The following CNTN1 variants were observed in gnomAD, a reference collection of about 807,000 sequenced individuals.
The protein encoded by CNTN1 is contactin 1.
Under a neutral mutation model 126.4 loss-of-function variants are expected in CNTN1, and 38 were observed. The observed-to-expected ratio is 0.30, with a 90% CI of 0.23 to 0.39. The LOEUF (loss-of-function observed/expected upper bound fraction) is 0.39. CNTN1 is among the 10% of genes least tolerant of loss of function. The pLI is 1.00. For missense variants in CNTN1, 1,009 were observed against 1,248.4 expected (o/e 0.81, Z 2.89); for synonymous variants, 413 against 422.6 (o/e 0.98, Z 0.28).
intron 1 of CNTN1, among the ~76,000 whole-genome samples, chr12:40,861,233 G>C (rs939728879): frequency 1.3e-5 from 2 of 151,790 alleles, no homozygotes; most frequent in Admixed American, 1.3e-4. Context: ...TTCTCTTTCT[G>C]CAGACTTAAG....
chr12:41,063,455 C>A (rs941269957), intron 23 of CNTN1, among the ~76,000 whole-genome samples: 1 of 152,188 alleles, frequency 6.6e-6, no homozygotes, highest in Non-Finnish European at 1.5e-5. Flanking sequence ...TACTGATTAT[C>A]CTCTGTTGCT....
chr12:40,939,959 G>A (rs551006660), intron 12 of CNTN1, among the ~76,000 whole-genome samples: 1 of 152,134 alleles, frequency 6.6e-6, no homozygotes, highest in Non-Finnish European at 1.5e-5. Context: ...TGAACAAGAT[G>A]TTATCATCAT....
intron 23 of CNTN1, among the ~76,000 whole-genome samples, chr12:41,035,768 A>G (rs1004146138): frequency 3.3e-5 from 5 of 152,148 alleles, no homozygotes; most frequent in African/African-American, 9.7e-5. Flanking sequence ...CATGTCAAGG[A>G]CCTGAAAGGA....
In CNTN1 at chr12:40,844,069, A is replaced by ATTTTTTTTTTTCTTTTTTTTTTTT. The variant is rs1942398787; in HGVS notation, c.-76-64277_-76-64276insCTTTTTTTTTTTTTTTTTTTTTTT. Among the ~76,000 whole-genome samples the ATTTTTTTTTTTCTTTTTTTTTTTT allele has an allele frequency of 4.7e-5, 4 of 84,658 alleles. 1 individual carries two copies. The highest frequency in any genetic ancestry group is 9.2e-5 in the Non-Finnish European group (4 of 43,258). The allele number at this position is 84,658 out of a possible 152,430, so 55.5% of individuals were successfully genotyped here. On this transcript the variant is annotated intron_variant, in intron 1 of 23. Coordinates refer to ENST00000551295, the MANE Select transcript of CNTN1 (RefSeq NM_001843.4). ...ATTGAAAAAATTCTTTGGCACAATGATTTTTTTTTTTTTTTTGAGACGGAG... is the reference window on the plus strand; with the variant it reads ...ATTGAAAAAATTCTTTGGCACAATGATTTTTTTTTTTCTTTTTTTTTTTTTTTTTTTTTTTTTTTTGAGACGGAG...
chr12:40,944,085 C>T lies in CNTN1; in HGVS notation c.1598C>T (p.Ala533Val). 1.2e-6 allele frequency: 2 copies of T among 1,613,464 alleles called. No individual in the cohort carries two copies. The highest frequency in any genetic ancestry group is 1.1e-5 in the South Asian group (1 of 91,074). The change falls in exon 14 of 24, where the codon GCC (alanine) becomes GTC (valine). Residue 533 changes from alanine to valine, a missense_variant. Physicochemically the swap from Ala to Val is moderately conservative, Grantham distance 64 (BLOSUM62 0). Transcript: ENST00000551295. The part of the protein sequence containing the change: ...TMQCAASFDP[A>V]LDLTFVWSFN... Reference sequence around the variant, plus strand: ...CAGTGTGCTGCGTCCTTTGATCCTGCCTTGGATCTCACATTTGTTTGGTCC... The same window carrying T: ...CAGTGTGCTGCGTCCTTTGATCCTGTCTTGGATCTCACATTTGTTTGGTCC...
At chr12:40,906,669 C>CTTTT (rs111442544) in intron 1 of CNTN1, among the ~76,000 whole-genome samples, 5,605 of 103,438 alleles carry the variant, frequency 0.054, 889 homozygotes, top group Admixed American at 0.073. Flanking sequence ...GTTTTTCATG[C>CTTTT]TTTTTTTTTG....
At chr12:40,866,111 A>T (rs1359519017) in intron 1 of CNTN1, among the ~76,000 whole-genome samples, 1 of 133,774 alleles carries the variant, frequency 7.5e-6, no homozygotes, top group Non-Finnish European at 1.7e-5. Flanking sequence ...TTGTATTTTT[A>T]GATTGTTCAT....
chr12:40,946,219 G>A (rs761778599), intron 14 of CNTN1, among the ~76,000 whole-genome samples: 6 of 152,036 alleles, frequency 3.9e-5, no homozygotes, highest in Non-Finnish European at 7.4e-5. Flanking sequence ...AATATGCCAT[G>A]CAAAATTTAA....
chr12:40,713,717 T>A (rs2121177268), intron 1 of CNTN1, among the ~76,000 whole-genome samples: 1 of 152,122 alleles, frequency 6.6e-6, no homozygotes. Flanking sequence ...AAGTCAGTAT[T>A]TAGGGAGAAT....
intron 23 of CNTN1, among the ~76,000 whole-genome samples, chr12:41,066,981 A>G (rs1451225850): frequency 6.6e-6 from 1 of 152,222 alleles, no homozygotes; most frequent in Non-Finnish European, 1.5e-5. Flanking sequence ...AAAGCAAAAT[A>G]TGTGTTTACT....
intron 16 of CNTN1, among the ~76,000 whole-genome samples, chr12:40,983,686 C>T (rs972980687): frequency 8.0e-5 from 12 of 149,196 alleles, no homozygotes; most frequent in Non-Finnish European, 1.5e-4. Flanking sequence ...AGTGTTTCTC[C>T]TACATAGTTC....
chr12:41,046,273 C>T (rs1949536273), intron 23 of CNTN1, among the ~76,000 whole-genome samples: 1 of 152,070 alleles, frequency 6.6e-6, no homozygotes, highest in Non-Finnish European at 1.5e-5. Context: ...ATTTCTGAAA[C>T]TTGGATGGTA....
intron 1 of CNTN1, among the ~76,000 whole-genome samples, chr12:40,885,535 T>C (rs1944000772): frequency 6.6e-6 from 1 of 152,002 alleles, no homozygotes; most frequent in Admixed American, 6.6e-5. Flanking sequence ...CCTTAGCTAC[T>C]TCACATCTTT....
chr12:40,751,883 T>C (rs80031289), intron 1 of CNTN1, among the ~76,000 whole-genome samples: 2,489 of 152,218 alleles, frequency 0.016, 26 homozygotes, highest in African/African-American at 0.027. Context: ...AAGCGTTTAC[T>C]ATAAGAAGGT....
At position 40,982,927 on chromosome 12, in the gene CNTN1, C is replaced by T. The variant is rs1947857248; in HGVS notation, c.1963+1860C>T. On this transcript the variant is annotated intron_variant, in intron 16 of 23. Transcript: ENST00000551295. Reference sequence around the variant, plus strand: ...TGGACACAGGGTGGGGAACATCACACACCGGGGCCTGTCTTGGGGTGGGGG... The same window carrying T: ...TGGACACAGGGTGGGGAACATCACATACCGGGGCCTGTCTTGGGGTGGGGG... Among the ~76,000 whole-genome samples, 6 of 122,530 alleles carry T rather than the reference C, an allele frequency of 4.9e-5. No homozygotes were observed. The South Asian group carries it at 1.3e-3, about 26-fold the overall frequency. 80.4% of individuals were successfully genotyped at this position (122,530 alleles called of 152,430 possible). A position where few individuals can be genotyped will look rare whatever the true frequency, so the allele number is the denominator to read the frequency against.
intron 14 of CNTN1, among the ~76,000 whole-genome samples, chr12:40,956,194 A>G (rs574984997): frequency 6.6e-6 from 1 of 152,232 alleles, no homozygotes; most frequent in Non-Finnish European, 1.5e-5. Context: ...AACAAGGCAT[A>G]TTTAGCGTGA....
chr12:40,970,719 A>C (rs1355016521), intron 15 of CNTN1, among the ~76,000 whole-genome samples: 1 of 152,158 alleles, frequency 6.6e-6, no homozygotes, highest in Non-Finnish European at 1.5e-5. Flanking sequence ...ACTGCTGTTA[A>C]ATGATTTGCA....
chr12:40,880,600 T>C (rs1943838408), intron 1 of CNTN1, among the ~76,000 whole-genome samples: 1 of 151,982 alleles, frequency 6.6e-6, no homozygotes, highest in Non-Finnish European at 1.5e-5. Context: ...CTTAAGCAAG[T>C]AGATGATGTA....
At chr12:40,942,341 A>G (rs1054546502) in intron 12 of CNTN1, among the ~76,000 whole-genome samples, 3 of 152,126 alleles carry the variant, frequency 2.0e-5, no homozygotes, top group African/African-American at 7.2e-5. Flanking sequence ...AAAGTATTTT[A>G]CTGAGATACA....
Sources: gnomAD v4.1 joint callset for allele counts (sites outside exome capture counted in the v4.1 genomes callset) on GRCh38, gnomAD v4.1.1 for gene constraint, MANE v1.5 for transcripts, NCBI Gene and HGNC (gene_info 2026-07-23, HGNC 2026-07-21) for gene names.